The following FOXP1 variants were observed in gnomAD, a reference collection of about 807,000 sequenced individuals.
The protein encoded by FOXP1 is forkhead box P1.
In FOXP1, 15 loss-of-function variants were observed where a neutral mutation model predicts 98.2. The observed-to-expected ratio is 0.15, with a 90% CI of 0.10 to 0.24. The LOEUF is 0.24. Among genes scored for constraint, FOXP1 ranks in the 10% least tolerant of loss-of-function variants. FOXP1 has a pLI of 1.00. For synonymous variants in FOXP1, 371 were observed against 314.5 expected, an observed-to-expected ratio of 1.18 and a Z score of -1.90; for missense variants, 633 against 848.5, an observed-to-expected ratio of 0.75 and a Z score of 3.15.
intron 2 of FOXP1, among the ~76,000 whole-genome samples, chr3:71,509,973 G>A (rs1192117828): frequency 1.3e-5 from 2 of 151,872 alleles, no homozygotes; most frequent in Non-Finnish European, 2.9e-5. Context: ...GAGGTCAGGA[G>A]TTGGAGACCA....
rs1023878636 is a variant in FOXP1, at chr3:71,348,709, T to C, written c.-73+10441A>G. Among the ~76,000 whole-genome samples, 6 of 152,062 alleles carry C rather than the reference T, an allele frequency of 3.9e-5. No individual in the cohort carries two copies. In the East Asian group the frequency reaches 5.8e-4, roughly 15 times the overall value. On this transcript the variant is annotated intron_variant, in intron 4 of 20. Transcript: ENST00000649528. ...GGAGGTGCTATCATTTGAATGTTAT[T>C]GATACTAGACAGAATCTTGAGGGGT... is the stretch of plus-strand genomic sequence containing the variant.
At chr3:70,989,132 AC>A (rs1437841615) in intron 13 of FOXP1, among the ~76,000 whole-genome samples, 2 of 152,320 alleles carry the variant, frequency 1.3e-5, no homozygotes, top group South Asian at 4.1e-4. Flanking sequence ...AAATAAAAAA[AC>A]AAATATAGTT....
At chr3:71,148,002 A>G (rs974474071) in intron 6 of FOXP1, among the ~76,000 whole-genome samples, 5 of 152,256 alleles carry the variant, frequency 3.3e-5, no homozygotes, top group Admixed American at 2.6e-4. Flanking sequence ...AAGAAATTAT[A>G]ATTTTTATGG....
At chr3:70,969,122 T>TC (rs937093302) in intron 19 of FOXP1, 2 of 146,806 alleles carry the variant, frequency 1.4e-5, no homozygotes, top group East Asian at 2.0e-4. Context: ...GAGGATCACT[T>TC]TTTTTTTTTT....
At chr3:71,299,575 A>C (rs1414009411) in intron 5 of FOXP1, among the ~76,000 whole-genome samples, 2 of 152,242 alleles carry the variant, frequency 1.3e-5, no homozygotes, top group Non-Finnish European at 2.9e-5. Context: ...AAATAAAAAT[A>C]AGTTCAGCTT....
At chr3:70,986,497 T>A (rs1455284300) in intron 14 of FOXP1, among the ~76,000 whole-genome samples, 1 of 152,224 alleles carries the variant, frequency 6.6e-6, no homozygotes. Flanking sequence ...GGAAAACCAT[T>A]TCACTAAAGC....
intron 6 of FOXP1, among the ~76,000 whole-genome samples, chr3:71,187,218 AG>A (rs2062700978): frequency 6.6e-6 from 1 of 152,280 alleles, no homozygotes; most frequent in Non-Finnish European, 1.5e-5. Flanking sequence ...ACTACATTAC[AG>A]AATATAATCT....
chr3:71,120,701 G>A (rs957850020), intron 6 of FOXP1, among the ~76,000 whole-genome samples: 9 of 152,224 alleles, frequency 5.9e-5, no homozygotes, highest in South Asian at 4.2e-4. Flanking sequence ...GCGTGGGGAC[G>A]GTGGGGAAGA....
chr3:71,523,695 A>G (rs1376997214), intron 2 of FOXP1, among the ~76,000 whole-genome samples: 3 of 151,858 alleles, frequency 2.0e-5, no homozygotes, highest in Admixed American at 2.0e-4. Context: ...CCACATATGC[A>G]TTTGTAGAAA....
intron 13 of FOXP1, 128 bp downstream of exon 13, chr3:71,000,844 T>TA (rs1395214949): frequency 4.9e-6 from 2 of 404,352 alleles, no homozygotes; most frequent in Non-Finnish European, 8.9e-6. Context: ...TAAAATAAAA[T>TA]AAAGGACAAT....
intron 3 of FOXP1, among the ~76,000 whole-genome samples, chr3:71,388,958 G>A (rs908004943): frequency 2.6e-5 from 4 of 151,896 alleles, no homozygotes; most frequent in Non-Finnish European, 5.9e-5. Flanking sequence ...CTGAGAAATC[G>A]AGATAACAAA....
intron 4 of FOXP1, among the ~76,000 whole-genome samples, chr3:71,327,489 G>A (rs2075764314): frequency 1.4e-5 from 2 of 146,490 alleles, no homozygotes; most frequent in South Asian, 2.2e-4. Flanking sequence ...CCGGGTTCAC[G>A]CCATTCTCCT....
chr3:71,320,416 G>A (rs2075321169), intron 4 of FOXP1, among the ~76,000 whole-genome samples: 1 of 151,748 alleles, frequency 6.6e-6, no homozygotes, highest in Non-Finnish European at 1.5e-5. Flanking sequence ...GTACAGTCTT[G>A]TCTCTAAGCC....
At chr3:71,051,927 A>T (rs2049950688) in intron 9 of FOXP1, among the ~76,000 whole-genome samples, 1 of 152,206 alleles carries the variant, frequency 6.6e-6, no homozygotes, top group African/African-American at 2.4e-5. Context: ...CTATTATGAT[A>T]TACTTTTCTC....
chr3:71,183,676 A>G (rs2062470767), intron 6 of FOXP1, among the ~76,000 whole-genome samples: 1 of 152,214 alleles, frequency 6.6e-6, no homozygotes, highest in Non-Finnish European at 1.5e-5. Flanking sequence ...CCCAACTAGC[A>G]AGTGGCAGAG....
At position 71,459,931 on chromosome 3, in the gene FOXP1, C is replaced by CGTT. The variant is rs1334419290; in HGVS notation, c.-168+33494_-168+33495insAAC. Among the ~76,000 whole-genome samples, 8 of 137,062 alleles carry CGTT rather than the reference C, an allele frequency of 5.8e-5. 1 individual carries two copies. The highest frequency in any genetic ancestry group is 7.3e-5 in the Admixed American group (1 of 13,634). The allele number at this position is 137,062 out of a possible 152,430, so 89.9% of individuals were successfully genotyped here. On this transcript the variant is annotated intron_variant, in intron 3 of 20. Transcript: ENST00000649528. ...AAAATAATATATCAGGCCCCATCTT[C>CGTT]TTTTTTTTTTTTCTTTTTTTAAGAT...
At chr3:71,271,580 T>C (rs773905548) in intron 5 of FOXP1, among the ~76,000 whole-genome samples, 4 of 152,198 alleles carry the variant, frequency 2.6e-5, no homozygotes, top group African/African-American at 7.2e-5. Flanking sequence ...TATTAACACA[T>C]CAAGAGAACT....
rs774470005 is a variant in FOXP1 at position 70,959,267 on chromosome 3, C to T, written c.2014G>A (p.Val672Ile). Residue 672 changes from valine to isoleucine, a missense_variant, in exon 21 of 21, where the codon GTA becomes ATA. By Grantham distance (29) the Val-to-Ile change is conservative (BLOSUM62 3). This residue lies in a region of FOXP1 where 150 missense variants were observed against 163.7 expected (regional missense o/e 0.92). Transcript: ENST00000649528. ...DHDRDYEDEP[V>I]NEDME Reference sequence around the variant, plus strand: ...GATAGTCACTCCATGTCCTCGTTTACTGGTTCATCTTCGTAATCTCTGTCA... The same window carrying T: ...GATAGTCACTCCATGTCCTCGTTTATTGGTTCATCTTCGTAATCTCTGTCA... 6.2e-7 allele frequency: 1 copy of T among 1,613,500 alleles called. No homozygotes were observed. Among genetic ancestry groups the T allele is most frequent in the Non-Finnish European group, 8.5e-7 (1 of 1,179,910 alleles).
At chr3:71,267,754 A>G (rs979651116) in intron 5 of FOXP1, among the ~76,000 whole-genome samples, 21 of 152,184 alleles carry the variant, frequency 1.4e-4, no homozygotes, top group African/African-American at 5.1e-4. Flanking sequence ...GCAGTGGCTC[A>G]TGCCTGTAAT....
Sources: allele counts gnomAD v4.1 joint callset (sites outside exome capture counted in the v4.1 genomes callset), GRCh38; gene constraint gnomAD v4.1.1; regional missense constraint gnomAD v4.1.1; transcripts MANE v1.5; gene names NCBI Gene and HGNC (gene_info 2026-07-23, HGNC 2026-07-21).